Variants in ZNF644 observed in about 807,000 individuals in gnomAD.
ZNF644 encodes zinc finger motif enhancer binding protein 2.
In ZNF644, 20 loss-of-function variants were observed where a neutral mutation model predicts 108.0. The ratio of observed to expected loss-of-function variants is 0.19; its 90% confidence interval spans 0.13 to 0.27. The LOEUF (loss-of-function observed/expected upper bound fraction) is 0.27, where lower values mean the gene tolerates loss of function less well. Among genes scored for constraint, ZNF644 ranks in the 10% least tolerant of loss-of-function variants. The pLI is 1.00. For synonymous variants in ZNF644, 542 were observed against 539.1 expected (o/e 1.01, Z -0.08); for missense variants, 1,338 against 1,548.9 (o/e 0.86, Z 2.29).
chr1:90,996,777 T>C (rs755723256), intron 1 of ZNF644, among the ~76,000 whole-genome samples: 1 of 152,112 alleles, frequency 6.6e-6, no homozygotes, highest in Non-Finnish European at 1.5e-5. Context: ...CAGGCCCCAC[T>C]GCTTTATAAC....
chr1:91,001,815 C>G (rs1355056345), intron 1 of ZNF644, among the ~76,000 whole-genome samples: 4 of 152,102 alleles, frequency 2.6e-5, no homozygotes, highest in East Asian at 3.9e-4. Context: ...ATCTCCTTAA[C>G]CTGATAAGCA....
chr1:90,980,707 A>G (rs1656458568), intron 2 of ZNF644, among the ~76,000 whole-genome samples: 1 of 152,228 alleles, frequency 6.6e-6, no homozygotes, highest in South Asian at 2.1e-4. Context: ...TTGAATGAAA[A>G]AGCCACATAC....
intron 2 of ZNF644, among the ~76,000 whole-genome samples, chr1:90,962,848 T>C (rs1397405874): frequency 2.0e-5 from 3 of 152,096 alleles, no homozygotes; most frequent in African/African-American, 7.2e-5. Context: ...TAGAGAAGCA[T>C]AGTTTCTGAG....
intron 4 of ZNF644, among the ~76,000 whole-genome samples, chr1:90,930,779 C>T (rs987241801): frequency 4.6e-5 from 7 of 152,196 alleles, no homozygotes; most frequent in African/African-American, 1.7e-4. Context: ...ATGCTGACTG[C>T]TACCATCATT....
At chr1:91,014,277 A>C (rs773170471) in intron 1 of ZNF644, among the ~76,000 whole-genome samples, 1 of 152,180 alleles carries the variant, frequency 6.6e-6, no homozygotes, top group Non-Finnish European at 1.5e-5. Context: ...CTCTTAACAT[A>C]TAATGTCATC....
At chr1:90,932,251 T>C (rs1417544316) in intron 4 of ZNF644, among the ~76,000 whole-genome samples, 2 of 152,198 alleles carry the variant, frequency 1.3e-5, no homozygotes, top group Non-Finnish European at 2.9e-5. Context: ...TGAAAGTTTA[T>C]TCTATCACAG....
intron 1 of ZNF644, among the ~76,000 whole-genome samples, chr1:90,990,432 A>G (rs1469820550): frequency 6.6e-6 from 1 of 152,170 alleles, no homozygotes; most frequent in Non-Finnish European, 1.5e-5. Context: ...CATATGAAAC[A>G]ATAGTTTTCA....
At chr1:91,006,249 C>A (rs1387520617) in intron 1 of ZNF644, among the ~76,000 whole-genome samples, 1 of 152,002 alleles carries the variant, frequency 6.6e-6, no homozygotes, top group Non-Finnish European at 1.5e-5. Flanking sequence ...AAAGAAAAGC[C>A]CAGGACCTAG....
At chr1:90,979,531 T>TA (rs372871521) in intron 2 of ZNF644, among the ~76,000 whole-genome samples, 1 of 152,144 alleles carries the variant, frequency 6.6e-6, no homozygotes, top group African/African-American at 2.4e-5. Flanking sequence ...ATCTACAATT[T>TA]AAAAAAATTT....
At chr1:91,012,662 GC>G (rs151125120) in intron 1 of ZNF644, among the ~76,000 whole-genome samples, 2,087 of 152,102 alleles carry the variant, frequency 0.014, 29 homozygotes, top group African/African-American at 0.041. Flanking sequence ...TTTAAAATAG[GC>G]TCTAATCACG....
intron 2 of ZNF644, among the ~76,000 whole-genome samples, chr1:90,957,038 T>C (rs578140767): frequency 9.9e-5 from 15 of 152,088 alleles, no homozygotes; most frequent in East Asian, 1.9e-4. Flanking sequence ...TGCCAAAAAA[T>C]TGGATAATCT....
At chr1:91,004,063 CTG>C (rs1659163467) in intron 1 of ZNF644, among the ~76,000 whole-genome samples, 2 of 152,018 alleles carry the variant, frequency 1.3e-5, no homozygotes, top group African/African-American at 4.8e-5. Flanking sequence ...CCTAAGAAAC[CTG>C]TGAGACAACA....
At chr1:90,951,729 ATATT>A (rs1163457030) in intron 2 of ZNF644, among the ~76,000 whole-genome samples, 1 of 152,164 alleles carries the variant, frequency 6.6e-6, no homozygotes, top group Non-Finnish European at 1.5e-5. Flanking sequence ...ACCATGCAAT[ATATT>A]TATTTACTGT....
chr1:90,930,016 G>A (rs1650543842), intron 4 of ZNF644, among the ~76,000 whole-genome samples: 1 of 152,264 alleles, frequency 6.6e-6, no homozygotes, highest in Non-Finnish European at 1.5e-5. Context: ...GCTGGGTGCA[G>A]TGGCTCACGC....
At chr1:90,932,718 G>A (rs1364342251) in intron 4 of ZNF644, among the ~76,000 whole-genome samples, 1 of 151,970 alleles carries the variant, frequency 6.6e-6, no homozygotes, top group Non-Finnish European at 1.5e-5. Context: ...AAACTTCTTA[G>A]TTGGCATGAA....
At chr1:90,945,743 T>C (rs1327651758) in intron 2 of ZNF644, among the ~76,000 whole-genome samples, 1 of 152,118 alleles carries the variant, frequency 6.6e-6, no homozygotes, top group Non-Finnish European at 1.5e-5. Flanking sequence ...TGTTCACGAA[T>C]AATTCTTTTC....
At chr1:91,021,051 T>A (rs1660859212) in intron 1 of ZNF644, 2 of 152,242 alleles carry the variant, frequency 1.3e-5, no homozygotes, top group South Asian at 4.1e-4. Context: ...AGAAGTCTCG[T>A]AACAAGTAAC....
At chr1:90,928,314 G>T (rs1650296552) in intron 4 of ZNF644, among the ~76,000 whole-genome samples, 1 of 126,758 alleles carries the variant, frequency 7.9e-6, no homozygotes. Flanking sequence ...CACCACACTG[G>T]GCTGATTTTT....
At chr1:91,002,192 T>C (rs1658914876) in intron 1 of ZNF644, among the ~76,000 whole-genome samples, 1 of 152,162 alleles carries the variant, frequency 6.6e-6, no homozygotes, top group Non-Finnish European at 1.5e-5. Flanking sequence ...AAAGTTCATA[T>C]GGAACCAAAA....
Sources: allele counts gnomAD v4.1 joint callset (sites outside exome capture counted in the v4.1 genomes callset), GRCh38; gene constraint gnomAD v4.1.1; transcripts MANE v1.5; gene names NCBI Gene and HGNC (gene_info 2026-07-23, HGNC 2026-07-21).